The following VWA2 variants were observed in gnomAD, a reference collection of about 807,000 sequenced individuals.
VWA2 encodes the protein von Willebrand factor A domain-containing protein 2.
A neutral mutation model predicts 70.4 loss-of-function variants in VWA2; 73 were observed. That is an observed-to-expected ratio of 1.04 (90% CI 0.86 to 1.26). The LOEUF (loss-of-function observed/expected upper bound fraction) is 1.26, where lower values mean the gene tolerates loss of function less well. Ranked by LOEUF, VWA2 falls within the 50% of genes most tolerant of loss-of-function variation. The probability of loss-of-function intolerance (pLI) is 0.00; values close to 1 mark genes in which losing one functional copy is unlikely to be tolerated. For missense variants in VWA2, 1,011 were observed against 998.5 expected, an observed-to-expected ratio of 1.01 and a Z score of -0.17; for synonymous variants, 407 against 423.3, an observed-to-expected ratio of 0.96 and a Z score of 0.47.
In VWA2 at chr10:114,290,281, A is replaced by G. The variant is rs1464006443; in HGVS notation, c.2164A>G (p.Met722Val). 1 of 1,550,588 alleles carries G rather than the reference A, an allele frequency of 6.4e-7. No homozygotes were observed. The highest frequency in any genetic ancestry group is 8.7e-7 in the Non-Finnish European group (1 of 1,146,976). The part of the protein sequence containing the change: ...PVNLCKPSPC[M>V]NEGSCVLQNG... ...CAACCTCTGCAAACCCAGCCCGTGC[A>G]TGAATGAGGGCAGCTGCGTCCTGCA... Residue 722 changes from methionine to valine, a missense_variant, in exon 13 of 14, where the codon ATG becomes GTG. Coordinates refer to ENST00000392982, the MANE Select transcript of VWA2 (RefSeq NM_001272046.2).
intron 3 of VWA2, among the ~76,000 whole-genome samples, chr10:114,254,007 A>G (rs917481804): frequency 6.6e-6 from 1 of 151,496 alleles, no homozygotes; most frequent in Non-Finnish European, 1.5e-5. Context: ...GCGCCATTGC[A>G]CTCCAGCCTG....
intron 2 of VWA2, among the ~76,000 whole-genome samples, chr10:114,251,785 C>T (rs933063599): frequency 2.0e-5 from 3 of 148,290 alleles, no homozygotes; most frequent in African/African-American, 5.0e-5. Flanking sequence ...TTGGCATGGT[C>T]GTGATCTCTG....
rs2039594337 is a variant in VWA2, at chr10:114,291,483, T to C, written c.*246T>C. On this transcript the variant is annotated 3_prime_UTR_variant, in exon 14 of 14. Transcript: ENST00000392982. ...CCACAAACGATGTTGTTGAAAAGTT[T>C]TGATGTGTAAGTAAATACCCACTTT... 1.9e-6 allele frequency: 1 copy of C among 514,970 alleles called. No individual in the cohort carries two copies. The highest frequency in any genetic ancestry group is 3.4e-6 in the Non-Finnish European group (1 of 294,428). 31.9% of individuals were successfully genotyped at this position (514,970 alleles called of 1,614,324 possible).
intron 10 of VWA2, 90 bp from the exon 11 acceptor site, chr10:114,285,845 TCTCC>T: frequency 2.3e-6 from 3 of 1,325,424 alleles, no homozygotes; most frequent in Non-Finnish European, 2.0e-6. Context: ...CTCTGCACCA[TCTCC>T]CTCCTGGGAG....
intron 2 of VWA2, among the ~76,000 whole-genome samples, chr10:114,249,032 T>C (rs1447400537): frequency 1.3e-5 from 2 of 152,018 alleles, no homozygotes; most frequent in African/African-American, 4.8e-5. Context: ...AGTTCCAGGG[T>C]ACATGTGCAC....
At chr10:114,276,268 G>A (rs2037839141) in intron 6 of VWA2, among the ~76,000 whole-genome samples, 1 of 152,174 alleles carries the variant, frequency 6.6e-6, no homozygotes, top group Admixed American at 6.5e-5. Flanking sequence ...TTGCTCACTG[G>A]TTCTCAACGT....
intron 13 of VWA2, 142 bp downstream of exon 13, chr10:114,290,507 T>C: frequency 8.6e-7 from 1 of 1,167,080 alleles, no homozygotes; most frequent in Non-Finnish European, 1.2e-6. Context: ...ACGAAACATT[T>C]AGTGAGTACC....
At chr10:114,246,548 C>T (rs2037077118) in intron 1 of VWA2, 1 of 763,918 alleles carries the variant, frequency 1.3e-6, no homozygotes, top group Non-Finnish European at 2.2e-6. Flanking sequence ...GTTGAATTCA[C>T]ATTCCCTGAC....
At chr10:114,247,562 G>T (rs1051113388) in intron 1 of VWA2, among the ~76,000 whole-genome samples, 1 of 152,044 alleles carries the variant, frequency 6.6e-6, no homozygotes, top group Non-Finnish European at 1.5e-5. Context: ...GCCTCCCAAA[G>T]TGCTGGGATT....
chr10:114,284,660 C>G (rs923547278), intron 9 of VWA2, among the ~76,000 whole-genome samples: 8 of 152,226 alleles, frequency 5.3e-5, no homozygotes, highest in Admixed American at 4.6e-4. Context: ...ACAGAGCATC[C>G]TTTACCACCC....
intron 4 of VWA2, among the ~76,000 whole-genome samples, chr10:114,256,712 C>T (rs888991307): frequency 1.3e-5 from 2 of 151,976 alleles, no homozygotes; most frequent in African/African-American, 4.8e-5. Flanking sequence ...AGATTGAGAC[C>T]GTCCTGGCTA....
intron 6 of VWA2, among the ~76,000 whole-genome samples, chr10:114,274,832 G>A (rs1482665618): frequency 1.3e-5 from 2 of 152,112 alleles, no homozygotes; most frequent in Non-Finnish European, 2.9e-5. Flanking sequence ...AGCAGTGAGC[G>A]GCCGCCACTG....
rs753505815 is a variant in VWA2, at chr10:114,286,454, G to C, written c.1513G>C (p.Asp505His). Residue 505 changes from aspartate to histidine, a missense_variant, in exon 11 of 14, where the codon GAT becomes CAT. Coordinates refer to ENST00000392982, the MANE Select transcript of VWA2 (RefSeq NM_001272046.2). Reference sequence around the variant, plus strand: ...TGTGATGGTCTACTCGGATCCTCAGGATCTGTTCAACCAAATCCCTGAGCT... The same window carrying C: ...TGTGATGGTCTACTCGGATCCTCAGCATCTGTTCAACCAAATCCCTGAGCT... Reference protein sequence around the residue: ...KHVMVYSDPQDLFNQIPELQG... With the variant: ...KHVMVYSDPQHLFNQIPELQG... 1 of 1,609,914 alleles carries C rather than the reference G, an allele frequency of 6.2e-7. No homozygotes were observed. Among genetic ancestry groups the C allele is most frequent in the East Asian group, 2.2e-5 (1 of 44,828 alleles).
rs1402067823 is a variant in VWA2 at position 114,291,242 on chromosome 10, C to T, written c.*5C>T. 1.9e-6 allele frequency: 3 copies of T among 1,550,184 alleles called. No individual in the cohort carries two copies. Among genetic ancestry groups the T allele is most frequent in the African/African-American group, 1.4e-5 (1 of 73,034 alleles). On this transcript the variant is annotated 3_prime_UTR_variant, in exon 14 of 14. Transcript: ENST00000392982. The stretch of plus-strand genomic sequence containing the variant: ...GGATTCTTGAGACGCCCCTGAGGCA[C>T]ATGGCTCCCGTGCAGGAGGGCAGCA...
chr10:114,256,293 G>A (rs1017142061), intron 4 of VWA2, among the ~76,000 whole-genome samples: 1 of 152,226 alleles, frequency 6.6e-6, no homozygotes, highest in African/African-American at 2.4e-5. Flanking sequence ...AAGTGAGTGA[G>A]GAAGCTCTCT....
chr10:114,255,366 T>G (rs2037303681), intron 4 of VWA2, among the ~76,000 whole-genome samples: 1 of 152,178 alleles, frequency 6.6e-6, no homozygotes, highest in Non-Finnish European at 1.5e-5. Context: ...GGGGACTTCT[T>G]TCTCTAGATC....
intron 5 of VWA2, among the ~76,000 whole-genome samples, chr10:114,265,591 C>T (rs112588738): frequency 3.9e-5 from 6 of 152,312 alleles, no homozygotes; most frequent in African/African-American, 1.4e-4. Context: ...TCCTTTCCCA[C>T]CTCTCACCAC....
At chr10:114,284,837 G>A in intron 9 of VWA2, 26 bp from the exon 10 acceptor site, 1 of 1,585,556 alleles carries the variant, frequency 6.3e-7, no homozygotes, top group Non-Finnish European at 8.6e-7. Flanking sequence ...GCGGTGCTTA[G>A]CGGTTAATGG....
At chr10:114,267,150 T>A (rs1201575409) in intron 5 of VWA2, among the ~76,000 whole-genome samples, 1 of 152,184 alleles carries the variant, frequency 6.6e-6, no homozygotes, top group East Asian at 1.9e-4. Flanking sequence ...GTTTCACTCT[T>A]GTCACCCAGG....
Sources: gnomAD v4.1 joint callset for allele counts (sites outside exome capture counted in the v4.1 genomes callset) on GRCh38, gnomAD v4.1.1 for gene constraint, MANE v1.5 for transcripts, NCBI Gene and HGNC (gene_info 2026-07-23, HGNC 2026-07-21) for gene names.